The following MRPL1 variants were observed in gnomAD, a reference collection of about 807,000 sequenced individuals.
MRPL1 encodes the protein mitochondrial ribosomal protein L1, also known as large ribosomal subunit protein uL1m.
Under a neutral mutation model 38.0 loss-of-function variants are expected in MRPL1, and 28 were observed. The observed-to-expected ratio is 0.74, with a 90% CI of 0.55 to 1.01. The LOEUF is 1.01. MRPL1 is among the 50% of genes least tolerant of loss of function. The pLI is 0.00. For synonymous variants in MRPL1, 123 were observed against 126.7 expected (o/e 0.97, Z 0.20); for missense variants, 358 against 389.8 (o/e 0.92, Z 0.69).
intron 7 of MRPL1, among the ~76,000 whole-genome samples, chr4:77,917,573 A>G (rs937400023): frequency 5.3e-5 from 8 of 152,200 alleles, no homozygotes; most frequent in African/African-American, 1.9e-4. Flanking sequence ...GCATAAAAAA[A>G]AACAGAAAAC....
chr4:77,876,253 G>A (rs1735394493), intron 2 of MRPL1, among the ~76,000 whole-genome samples: 1 of 152,172 alleles, frequency 6.6e-6, no homozygotes, highest in South Asian at 2.1e-4. Flanking sequence ...GATTACAGGT[G>A]TGAGCCACCA....
intron 2 of MRPL1, among the ~76,000 whole-genome samples, chr4:77,876,562 C>T (rs907402709): frequency 1.3e-5 from 2 of 152,092 alleles, no homozygotes; most frequent in Non-Finnish European, 2.9e-5. Flanking sequence ...TGGTTTTTTT[C>T]ATGTCTGACA....
chr4:77,895,930 G>T (rs536094107), intron 6 of MRPL1, among the ~76,000 whole-genome samples: 1 of 152,166 alleles, frequency 6.6e-6, no homozygotes, highest in South Asian at 2.1e-4. Context: ...TGAATTTGAT[G>T]AAAATATTTC....
chr4:77,868,626 A>G (rs1386869617), intron 1 of MRPL1, among the ~76,000 whole-genome samples: 1 of 152,212 alleles, frequency 6.6e-6, no homozygotes, highest in Admixed American at 6.5e-5. Flanking sequence ...TGAGAGACCT[A>G]ATCTATTCAG....
intron 6 of MRPL1, among the ~76,000 whole-genome samples, chr4:77,901,366 A>G (rs1560465935): frequency 6.6e-6 from 1 of 152,118 alleles, no homozygotes; most frequent in Non-Finnish European, 1.5e-5. Context: ...AAGATGAAAC[A>G]AATAGAAAAC....
At chr4:77,883,162 T>C in intron 2 of MRPL1, 80 bp from the exon 3 acceptor site, 1 of 888,930 alleles carries the variant, frequency 1.1e-6, no homozygotes, top group Non-Finnish European at 1.6e-6. Flanking sequence ...TTTTTTTTTC[T>C]CTTATGTACA....
At chr4:77,924,425 C>T (rs141156253) in intron 7 of MRPL1, among the ~76,000 whole-genome samples, 1 of 152,222 alleles carries the variant, frequency 6.6e-6, no homozygotes, top group East Asian at 1.9e-4. Flanking sequence ...TTGATAATTA[C>T]TGTTTCTTAT....
chr4:77,909,214 T>G (rs1736230664), intron 6 of MRPL1, 52 bp from the exon 7 acceptor site: 2 of 1,078,576 alleles, frequency 1.9e-6, no homozygotes, highest in South Asian at 2.7e-5. Context: ...TATTCAGTAA[T>G]TTTTACTACT....
chr4:77,935,931 CA>C (rs33923654), intron 7 of MRPL1, among the ~76,000 whole-genome samples: 35 of 121,668 alleles, frequency 2.9e-4, no homozygotes, highest in Admixed American at 4.0e-4. Flanking sequence ...GACTATGTCT[CA>C]AAAAAAAAAA....
rs141558413 is a variant in MRPL1 at position 77,883,265 on chromosome 4, G to A, written c.167G>A (p.Gly56Asp). 21 of 1,580,358 alleles carry A rather than the reference G, an allele frequency of 1.3e-5. No homozygotes were observed. The African/African-American group carries it at 2.8e-4, about 21-fold the overall frequency. Reference sequence around the variant, plus strand: ...AGGTCTGCAAAGAAAACAAAAAAAGGTGCTAAAGAAAAAACACCAGATGAG... The same window carrying A: ...AGGTCTGCAAAGAAAACAAAAAAAGATGCTAAAGAAAAAACACCAGATGAG... ...ATKSAKKTKK[G>D]AKEKTPDEKK... Residue 56 changes from glycine (G) to aspartate (D), a missense_variant, in exon 3 of 9, where the codon GGT (glycine) becomes GAT (aspartate). Physicochemically the swap from Gly to Asp is moderately conservative, Grantham distance 94. Coordinates refer to ENST00000315567, the MANE Select transcript of MRPL1 (RefSeq NM_020236.4).
intron 2 of MRPL1, 22 bp from the exon 3 acceptor site, chr4:77,883,220 C>T (rs1215433339): frequency 1.4e-6 from 2 of 1,448,254 alleles, no homozygotes; most frequent in African/African-American, 2.9e-5. Context: ...ATTGATATAA[C>T]TCAACTTTAT....
chr4:77,864,000 GTTT>G (rs34560176), intron 1 of MRPL1, among the ~76,000 whole-genome samples: 5,390 of 125,850 alleles, frequency 0.043, 319 homozygotes, highest in African/African-American at 0.14. Flanking sequence ...CTGCATCACA[GTTT>G]TTTTTTTTTT....
chr4:77,885,283 C>T lies in MRPL1; in HGVS notation c.430C>T (p.Leu144Phe), dbSNP rs1735648773. The T allele has an allele frequency of 6.2e-7, 1 of 1,613,964 alleles. No individual in the cohort carries two copies. Among genetic ancestry groups the T allele is most frequent in the Non-Finnish European group, 8.5e-7 (1 of 1,179,848 alleles). ...KKNVEPFTSVLSLPYPFASEI... is the reference protein window; with the variant it reads ...KKNVEPFTSVFSLPYPFASEI... ...AAACGTGGAGCCATTTACCAGTGTT[C>T]TTAGTTTGCCATACCCATTTGCTTC... Residue 144 changes from leucine to phenylalanine, a missense_variant, in exon 4 of 9, where the codon CTT becomes TTT. Transcript: ENST00000315567.
intron 7 of MRPL1, among the ~76,000 whole-genome samples, chr4:77,939,340 T>C (rs924693884): frequency 5.9e-5 from 9 of 152,220 alleles, no homozygotes; most frequent in Non-Finnish European, 1.2e-4. Context: ...TGTCTTCTTT[T>C]GAGAATTGTC....
At chr4:77,889,120 A>C (rs1248776536) in intron 5 of MRPL1, among the ~76,000 whole-genome samples, 1 of 152,230 alleles carries the variant, frequency 6.6e-6, no homozygotes, top group Non-Finnish European at 1.5e-5. Flanking sequence ...TCAGCTCTGC[A>C]CCAAGCAGAC....
chr4:77,944,310 T>C (rs139141076), intron 7 of MRPL1, among the ~76,000 whole-genome samples: 15 of 152,346 alleles, frequency 9.8e-5, no homozygotes, highest in Non-Finnish European at 1.9e-4. Context: ...AGCAATCCAC[T>C]TCCTTCAAAG....
intron 1 of MRPL1, among the ~76,000 whole-genome samples, chr4:77,863,461 ATT>A (rs969402527): frequency 3.0e-4 from 34 of 112,646 alleles, no homozygotes; most frequent in African/African-American, 8.4e-4. Flanking sequence ...TTGTGCAACA[ATT>A]TTTTTTTTTT....
chr4:77,871,473 C>A (rs1203311291), intron 1 of MRPL1, among the ~76,000 whole-genome samples: 3 of 151,880 alleles, frequency 2.0e-5, no homozygotes, highest in Admixed American at 6.6e-5. Flanking sequence ...CCTGGCTAAT[C>A]TTTTGTATTT....
At chr4:77,870,114 G>A (rs1422113186) in intron 1 of MRPL1, among the ~76,000 whole-genome samples, 1 of 151,388 alleles carries the variant, frequency 6.6e-6, no homozygotes, top group African/African-American at 2.4e-5. Context: ...GGCTGGGCTC[G>A]AGCTCCTGGG....
Sources: allele counts gnomAD v4.1 joint callset (sites outside exome capture counted in the v4.1 genomes callset), GRCh38; gene constraint gnomAD v4.1.1; transcripts MANE v1.5; gene names NCBI Gene and HGNC (gene_info 2026-07-23, HGNC 2026-07-21).